The following CYRIA variants were observed in gnomAD, a reference collection of about 807,000 sequenced individuals.
CYRIA encodes CYFIP-related Rac1 interactor A.
CYRIA carries 15 observed loss-of-function variants against 43.9 expected under a neutral mutation model. The ratio of observed to expected loss-of-function variants is 0.34; its 90% CI spans 0.23 to 0.53. CYRIA has a LOEUF of 0.53. Among genes scored for constraint, CYRIA ranks in the 20% least tolerant of loss-of-function variants. CYRIA has a pLI of 0.94. For missense variants in CYRIA, 236 were observed against 394.2 expected, an observed-to-expected ratio of 0.60 and a Z score of 3.40; for synonymous variants, 117 against 136.0, an observed-to-expected ratio of 0.86 and a Z score of 0.97.
At position 16,573,587 on chromosome 2, in the gene CYRIA, C is replaced by A. The variant is rs528506710; in HGVS notation, c.71-7820G>T. Reference sequence around the variant, plus strand: ...ACCCAAATCTCATTTTGATTTCCCACGTGTTGTGGGAGGGACCCAGTGGGA... The same window carrying A: ...ACCCAAATCTCATTTTGATTTCCCAAGTGTTGTGGGAGGGACCCAGTGGGA... On this transcript the variant is annotated intron_variant, in intron 3 of 11. Transcript: ENST00000381323. 8.5e-5 allele frequency among the ~76,000 whole-genome samples: 13 copies of A among 152,294 alleles called. No individual in the cohort carries two copies. In the South Asian group the frequency reaches 2.1e-3, roughly 24 times the overall value.
intron 1 of CYRIA, among the ~76,000 whole-genome samples, chr2:16,629,188 A>C (rs1275792314): frequency 1.3e-5 from 2 of 152,194 alleles, no homozygotes; most frequent in Non-Finnish European, 2.9e-5. Context: ...TGGGGTCCTC[A>C]GGGGACAGGC....
At chr2:16,563,926 C>T in intron 5 of CYRIA, 63 bp downstream of exon 5, 1 of 1,233,952 alleles carries the variant, frequency 8.1e-7, no homozygotes, top group Non-Finnish European at 1.2e-6. Context: ...GTTCCCACTA[C>T]CTACTCAAAC....
intron 3 of CYRIA, among the ~76,000 whole-genome samples, chr2:16,580,148 T>C (rs1305065217): frequency 6.6e-6 from 1 of 151,956 alleles, no homozygotes; most frequent in Admixed American, 6.6e-5. Context: ...AGGTCTCGCT[T>C]TGTTGCCCAG....
At chr2:16,574,085 C>G (rs111797024) in intron 3 of CYRIA, among the ~76,000 whole-genome samples, 13,232 of 152,064 alleles carry the variant, frequency 0.087, 1,711 homozygotes, top group African/African-American at 0.28. Flanking sequence ...TAATGATATG[C>G]ACAATGAAAT....
chr2:16,612,310 G>A (rs1445691369), intron 2 of CYRIA, among the ~76,000 whole-genome samples: 2 of 151,946 alleles, frequency 1.3e-5, no homozygotes, highest in Non-Finnish European at 2.9e-5. Flanking sequence ...GTGGATGGGA[G>A]GGGGGAAAAG....
chr2:16,559,890 A>G (rs1666668149), intron 9 of CYRIA, among the ~76,000 whole-genome samples: 1 of 152,292 alleles, frequency 6.6e-6, no homozygotes, highest in East Asian at 1.9e-4. Context: ...AATATTTTAT[A>G]GCAGGTCCCT....
At chr2:16,577,795 T>A (rs1667403406) in intron 3 of CYRIA, among the ~76,000 whole-genome samples, 1 of 152,200 alleles carries the variant, frequency 6.6e-6, no homozygotes, top group South Asian at 2.1e-4. Flanking sequence ...GGAAAAAAGA[T>A]TTTAAGACAG....
intron 2 of CYRIA, among the ~76,000 whole-genome samples, chr2:16,622,320 T>C (rs1485168903): frequency 6.6e-6 from 1 of 152,192 alleles, no homozygotes; most frequent in Non-Finnish European, 1.5e-5. Context: ...AGAGGCAATC[T>C]GGCTAAAGTC....
At chr2:16,607,285 G>A (rs548787459) in intron 2 of CYRIA, among the ~76,000 whole-genome samples, 3 of 151,498 alleles carry the variant, frequency 2.0e-5, no homozygotes, top group African/African-American at 7.3e-5. Flanking sequence ...TCTGCAGAGT[G>A]GTGGGAGGTG....
intron 10 of CYRIA, among the ~76,000 whole-genome samples, chr2:16,555,642 G>A (rs1475807389): frequency 6.6e-6 from 1 of 152,102 alleles, no homozygotes; most frequent in East Asian, 1.9e-4. Context: ...CCCAGCTGAA[G>A]ATCATTACCT....
chr2:16,570,211 T>A (rs1667078513), intron 3 of CYRIA, among the ~76,000 whole-genome samples: 1 of 152,078 alleles, frequency 6.6e-6, no homozygotes, highest in Non-Finnish European at 1.5e-5. Context: ...CAGGCTGGAG[T>A]GCAGTGGTAT....
At chr2:16,643,023 TATA>T (rs1400915263) in intron 1 of CYRIA, among the ~76,000 whole-genome samples, 3 of 148,944 alleles carry the variant, frequency 2.0e-5, no homozygotes, top group African/African-American at 7.3e-5. Flanking sequence ...GTATACTATA[TATA>T]ATAATATAAT....
At position 16,615,749 on chromosome 2, in the gene CYRIA, G is replaced by T. The variant is rs1668760802; in HGVS notation, c.-11+8115C>A. ...TCGCTAAATGCAATGCAAAAGCAGA[G>T]AACAGTCAACCTACCTATTGCAGCT... On this transcript the variant is annotated intron_variant, in intron 2 of 11. Coordinates refer to ENST00000381323, the MANE Select transcript of CYRIA (RefSeq NM_030797.4). Among the ~76,000 whole-genome samples the T allele has an allele frequency of 2.0e-5, 3 of 152,340 alleles. No individual in the cohort carries two copies. The South Asian group carries it at 6.2e-4, about 32-fold the overall frequency.
rs141948899 is a variant in CYRIA at position 16,605,285 on chromosome 2, A to G, written c.-10-17156T>C. Among the ~76,000 whole-genome samples the G allele has an allele frequency of 6.0e-4, 91 of 152,370 alleles. 2 individuals are homozygous for G. The highest frequency in any genetic ancestry group is 2.9e-3 in the Admixed American group (44 of 15,310). ...AATAGTACAGCAGCAAAAAGTACCC[A>G]AGAAATGAGGGCAAAATTAGATTCT... On this transcript the variant is annotated intron_variant, in intron 2 of 11. Transcript: ENST00000381323.
intron 3 of CYRIA, among the ~76,000 whole-genome samples, chr2:16,579,059 T>C (rs2103442621): frequency 6.6e-6 from 1 of 152,258 alleles, no homozygotes; most frequent in African/African-American, 2.4e-5. Flanking sequence ...ATGATAAAAA[T>C]GGCTTCTCAT....
chr2:16,565,619 G>T, intron 4 of CYRIA, 27 bp downstream of exon 4: 3 of 1,525,558 alleles, frequency 2.0e-6, no homozygotes, highest in Non-Finnish European at 2.7e-6. Flanking sequence ...CTCGGGTGTT[G>T]TCAGTTCAGC....
At chr2:16,574,735 T>G (rs1667268489) in intron 3 of CYRIA, among the ~76,000 whole-genome samples, 1 of 152,146 alleles carries the variant, frequency 6.6e-6, no homozygotes, top group Admixed American at 6.5e-5. Context: ...AATCAAAAAC[T>G]GAGGTTTGGG....
At chr2:16,618,702 G>C (rs1454796987) in intron 2 of CYRIA, among the ~76,000 whole-genome samples, 2 of 152,160 alleles carry the variant, frequency 1.3e-5, no homozygotes, top group African/African-American at 2.4e-5. Context: ...CTGTAAGGAG[G>C]GATGGCTGCC....
Position 16,564,107 on chromosome 2 carries a change from A to C in CYRIA, c.193-13T>G, listed in dbSNP as rs535931355. 83 of 1,601,220 alleles carry C rather than the reference A, an allele frequency of 5.2e-5. No individual in the cohort carries two copies. In the South Asian group the frequency reaches 8.0e-4, roughly 15 times the overall value. On this transcript the variant is annotated splice_polypyrimidine_tract_variant and intron_variant, in intron 4 of 11. Transcript: ENST00000381323. ...GATTTTGAATTGCCTGCAAAAACAC[A>C]GTAGAGCTGACTGTTTAAAAAGAAG...
Sources: allele counts gnomAD v4.1 joint callset (sites outside exome capture counted in the v4.1 genomes callset), GRCh38; gene constraint gnomAD v4.1.1; transcripts MANE v1.5; gene names NCBI Gene and HGNC (gene_info 2026-07-23, HGNC 2026-07-21).